Variants in DGAT2L6 observed in about 807,000 individuals in gnomAD.
DGAT2L6 encodes diacylglycerol O-acyltransferase 2 like 6, also known as diacylglycerol O-acyltransferase 2-like protein 6.
In DGAT2L6, 22 loss-of-function variants were observed where a neutral mutation model predicts 25.5. The ratio of observed to expected loss-of-function variants is 0.86; its 90% confidence interval spans 0.62 to 1.23. The LOEUF (loss-of-function observed/expected upper bound fraction) is 1.23, where lower values mean the gene tolerates loss of function less well. DGAT2L6 is among the 50% of genes most tolerant of loss of function. The pLI is 0.00. For missense variants in DGAT2L6, 287 were observed against 253.2 expected (o/e 1.13, Z -0.91); for synonymous variants, 100 against 94.7 (o/e 1.06, Z -0.32).
Position 70,205,151 on chromosome X carries a change from A to G in DGAT2L6, c.*45A>G. The G allele has an allele frequency of 8.9e-7, 1 of 1,119,992 alleles. No homozygotes were observed. The highest frequency in any genetic ancestry group is 1.2e-6 in the Non-Finnish European group (1 of 847,981). The allele number at this position is 1,119,992 out of a possible 1,213,427, so 92.3% of individuals were successfully genotyped here. On this transcript the variant is annotated 3_prime_UTR_variant, in exon 7 of 7. Transcript: ENST00000333026. ...TGATCAACCCCCAAAGCCATGAGGGATCCAAGTAGAGCCACAGAAAAAGAA... is the reference window on the plus strand; with the variant it reads ...TGATCAACCCCCAAAGCCATGAGGGGTCCAAGTAGAGCCACAGAAAAAGAA...
At chrX:70,199,715 C>T (rs12559976) in intron 2 of DGAT2L6, 97 bp from the exon 3 acceptor site, 166,048 of 822,786 alleles carry the variant, frequency 0.2, 13,080 homozygotes, top group African/African-American at 0.41. Context: ...AGGCCCCTCA[C>T]GTGACCTGAG....
At chrX:70,195,989 G>A (rs911282938) in intron 1 of DGAT2L6, among the ~76,000 whole-genome samples, 1 of 111,369 alleles carries the variant, frequency 9.0e-6, no homozygotes, top group Non-Finnish European at 1.9e-5. Flanking sequence ...ACTATGTATG[G>A]TGGTGAATGT....
intron 3 of DGAT2L6, 139 bp from the exon 4 acceptor site, chrX:70,200,116 C>T (rs1421409806): frequency 1.5e-6 from 1 of 680,617 alleles, no homozygotes; most frequent in Non-Finnish European, 2.2e-6. Flanking sequence ...CCTGGCAATC[C>T]TATGACAATG....
At chrX:70,201,765 G>A in intron 4 of DGAT2L6, 125 bp from the exon 5 acceptor site, 1 of 795,108 alleles carries the variant, frequency 1.3e-6, no homozygotes, top group South Asian at 3.1e-5. Flanking sequence ...GTCAGAGACA[G>A]AAAGGTGGAA....
chrX:70,204,934 T>C lies in DGAT2L6; in HGVS notation c.860-18T>C, dbSNP rs777736638. On this transcript the variant is annotated intron_variant, in intron 6 of 6. Transcript: ENST00000333026. ...TGAGGGGGGAACTCTGATGTTTGTC[T>C]CTTTTCTTTTTTCATAGTTGGGGAA... The C allele has an allele frequency of 8.6e-7, 1 of 1,165,935 alleles. No homozygotes were observed. The highest frequency in any genetic ancestry group is 1.1e-6 in the Non-Finnish European group (1 of 875,940).
At position 70,177,642 on chromosome X, in the gene DGAT2L6, A is replaced by G. The variant is rs746594715; in HGVS notation, c.60A>G (p.Gln20=). ...QEGLQTFFVL[Q]WIPVYIFLGA... is the part of the protein sequence containing the mutation. ...GCCTCCAAACCTTCTTTGTTTTGCA[A>G]TGGATCCCAGTCTATATATTTTTAG... Residue 20 remains glutamine, a synonymous_variant, in exon 1 of 7, where the codon CAA becomes CAG. Coordinates refer to ENST00000333026, the MANE Select transcript of DGAT2L6 (RefSeq NM_198512.3). 3.3e-6 allele frequency: 4 copies of G among 1,204,575 alleles called. No individual in the cohort carries two copies. In the Admixed American group the frequency reaches 6.6e-5, roughly 20 times the overall value.
At chrX:70,198,371 G>GT (rs1277551155) in intron 1 of DGAT2L6, among the ~76,000 whole-genome samples, 4 of 111,017 alleles carry the variant, frequency 3.6e-5, no homozygotes, top group South Asian at 7.5e-4. Flanking sequence ...TTTGTTTTTT[G>GT]TTTTTTTGGT....
chrX:70,199,386 G>A lies in DGAT2L6; in HGVS notation c.196+5G>A, dbSNP rs1240368976. 8.7e-7 allele frequency: 1 copy of A among 1,149,893 alleles called. No individual in the cohort carries two copies. Among genetic ancestry groups the A allele is most frequent in the Admixed American group, 2.5e-5 (1 of 40,660 alleles). 94.8% of individuals were successfully genotyped at this position (1,149,893 alleles called of 1,213,427 possible). ...ATTGGAACACCCACAGTCAAGGTAA[G>A]AGACAGGGGCACAATGGTGGTCCTG... is the stretch of plus-strand genomic sequence containing the variant. On this transcript the variant is annotated splice_donor_5th_base_variant and intron_variant, in intron 2 of 6. Transcript: ENST00000333026.
chrX:70,200,158 C>T, intron 3 of DGAT2L6, 97 bp from the exon 4 acceptor site: 1 of 879,573 alleles, frequency 1.1e-6, no homozygotes, highest in Admixed American at 2.4e-5. Flanking sequence ...ATTTGGGGCT[C>T]CCAGAGGGAA....
In DGAT2L6 at chrX:70,204,985, G is replaced by A. The variant is rs761786939; in HGVS notation, c.893G>A (p.Arg298Lys). The change falls in exon 7 of 7, where the codon AGG becomes AAG. Residue 298 changes from arginine to lysine, a missense_variant. Physicochemically the swap from Arg to Lys is conservative, Grantham distance 26 (BLOSUM62 2). Transcript: ENST00000333026. ...CCCCTTCCAATTCCCAGGATTAAGA[G>A]GCCAAACCAGAAGACAGTAGACAAG... ...GEPLPIPRIK[R>K]PNQKTVDKYH... is the part of the protein sequence containing the mutation. 2 of 1,194,101 alleles carry A rather than the reference G, an allele frequency of 1.7e-6. No individual in the cohort carries two copies. The highest frequency in any genetic ancestry group is 6.0e-5 in the East Asian group (2 of 33,337).
intron 3 of DGAT2L6, 62 bp downstream of exon 3, chrX:70,199,944 G>C (rs2147609790): frequency 1.8e-6 from 2 of 1,081,713 alleles, no homozygotes; most frequent in East Asian, 6.1e-5. Flanking sequence ...TCCCTACTCA[G>C]CTCCATGTTT....
At chrX:70,199,696 G>A (rs2085403076) in intron 2 of DGAT2L6, 116 bp from the exon 3 acceptor site, 1 of 650,384 alleles carries the variant, frequency 1.5e-6, no homozygotes, top group Non-Finnish European at 2.4e-6. Context: ...GTTCTGAGGT[G>A]TCAGAAGGAG....
chrX:70,200,484 T>C (rs752798088), intron 4 of DGAT2L6, 25 bp downstream of exon 4: 2 of 1,181,085 alleles, frequency 1.7e-6, no homozygotes, highest in Admixed American at 4.4e-5. Flanking sequence ...TAATTAATTC[T>C]ATTTTTTTAC....
At chrX:70,202,576 C>T (rs1057213808) in intron 5 of DGAT2L6, among the ~76,000 whole-genome samples, 1 of 112,128 alleles carries the variant, frequency 8.9e-6, no homozygotes, top group Non-Finnish European at 1.9e-5. Flanking sequence ...TCCTTGCAAA[C>T]TCACAGTCCA....
Position 70,204,399 on chromosome X carries a change from A to C in DGAT2L6, c.742A>C (p.Thr248Pro). 10 of 1,210,867 alleles carry C rather than the reference A, an allele frequency of 8.3e-6. No individual in the cohort carries two copies. The highest frequency in any genetic ancestry group is 1.1e-5 in the Non-Finnish European group (10 of 895,213). Residue 248 changes from threonine (T) to proline (P), a missense_variant, in exon 6 of 7, where the codon ACC becomes CCC. Physicochemically the swap from Thr to Pro is conservative, Grantham distance 38. Coordinates refer to ENST00000333026, the MANE Select transcript of DGAT2L6 (RefSeq NM_198512.3). ...CACGTGGTTAAGGTTGTTCCAAAAA[A>C]CCTTCCAGGACACATTCAAAAAAAT... ...EGTWLRLFQKTFQDTFKKILG... is the reference protein window; with the variant it reads ...EGTWLRLFQKPFQDTFKKILG...
chrX:70,199,940 C>A, intron 3 of DGAT2L6, 58 bp downstream of exon 3: 2 of 1,090,056 alleles, frequency 1.8e-6, no homozygotes, highest in Non-Finnish European at 2.5e-6. Context: ...TTGCTCCCTA[C>A]TCAGCTCCAT....
At position 70,204,466 on chromosome X, in the gene DGAT2L6, C is replaced by T. The variant is rs2085421895; in HGVS notation, c.809C>T (p.Thr270Ile). 3 of 1,211,410 alleles carry T rather than the reference C, an allele frequency of 2.5e-6. No homozygotes were observed. Among genetic ancestry groups the T allele is most frequent in the Non-Finnish European group, 3.3e-6 (3 of 895,544 alleles). The change falls in exon 6 of 7, where the codon ACT becomes ATT. Residue 270 changes from threonine (T) to isoleucine (I), a missense_variant. By Grantham distance (89) the Thr-to-Ile change is moderately conservative. Transcript: ENST00000333026. ...TGTACCTTCCATGGCCGGGGCTTCA[C>T]TCGCGGATCCTGGGGCTTCCTGCCT... The part of the protein sequence containing the change: ...NFCTFHGRGF[T>I]RGSWGFLPFN...
intron 1 of DGAT2L6, among the ~76,000 whole-genome samples, chrX:70,182,541 GC>G (rs2085346683): frequency 1.0e-5 from 1 of 97,876 alleles, no homozygotes; most frequent in African/African-American, 4.0e-5. Context: ...GTGCAGTGGG[GC>G]AATCTCGGCT....
intron 4 of DGAT2L6, among the ~76,000 whole-genome samples, chrX:70,201,443 C>T (rs936503217): frequency 2.7e-5 from 3 of 111,783 alleles, no homozygotes; most frequent in South Asian, 3.8e-4. Context: ...CAGCCATTGG[C>T]TTCCCTTTGG....
Sources: gnomAD v4.1 joint callset for allele counts (sites outside exome capture counted in the v4.1 genomes callset) on GRCh38, gnomAD v4.1.1 for gene constraint, MANE v1.5 for transcripts, NCBI Gene and HGNC (gene_info 2026-07-23, HGNC 2026-07-21) for gene names.